Variants in ZFP1 observed in about 807,000 individuals in gnomAD.
The protein encoded by ZFP1 is zinc finger protein 1 homolog.
A neutral mutation model predicts 38.5 loss-of-function variants in ZFP1; 32 were observed. That is an observed-to-expected ratio of 0.83 (90% CI 0.63 to 1.12). ZFP1 has a LOEUF of 1.12. ZFP1 is among the 50% of genes most tolerant of loss of function. The pLI, the probability that ZFP1 is intolerant of heterozygous loss-of-function variation, is 0.00. For synonymous variants in ZFP1, 245 were observed against 168.8 expected, an observed-to-expected ratio of 1.45 and a Z score of -3.50; for missense variants, 616 against 480.8, an observed-to-expected ratio of 1.28 and a Z score of -2.63.
At chr16:75,128,203 A>G in the ZFP1 span, among the ~76,000 whole-genome samples, 2 of 152,208 alleles carry the variant, frequency 1.3e-5, no homozygotes, top group African/African-American at 4.8e-5. Flanking sequence ...AAAGAATGTC[A>G]CTGTGGGGCC....
chr16:75,140,224 C>T, the ZFP1 span, among the ~76,000 whole-genome samples: 5 of 151,446 alleles, frequency 3.3e-5, no homozygotes, highest in Admixed American at 6.6e-5. Context: ...GCTGAGATCA[C>T]GCCATTGCAC....
chr16:75,165,071 C>G (rs1252471229), intron 2 of ZFP1, among the ~76,000 whole-genome samples: 1 of 152,110 alleles, frequency 6.6e-6, no homozygotes, highest in East Asian at 1.9e-4. Context: ...TCCCAAAGTG[C>G]TGGGATTACA....
intron 1 of ZFP1, among the ~76,000 whole-genome samples, chr16:75,149,557 CTTT>C (rs34371791): frequency 9.8e-6 from 1 of 101,792 alleles, no homozygotes. Context: ...TCTTTACTTT[CTTT>C]TTTTTTTTTT....
Position 75,152,948 on chromosome 16 carries a change from G to A in ZFP1, c.-4G>A. 6.2e-7 allele frequency: 1 copy of A among 1,613,734 alleles called. No individual in the cohort carries two copies. The highest frequency in any genetic ancestry group is 1.7e-5 in the Admixed American group (1 of 59,972). Reference sequence around the variant, plus strand: ...TTCTCTGCCTTTGCCCAAAACTGCAGAAAATGAACAAATCCCAGGTGAGTT... The same window carrying A: ...TTCTCTGCCTTTGCCCAAAACTGCAAAAAATGAACAAATCCCAGGTGAGTT... On this transcript the variant is annotated 5_prime_UTR_variant, in exon 2 of 4. Coordinates refer to ENST00000570010, the MANE Select transcript of ZFP1 (RefSeq NM_153688.4).
chr16:75,148,200 A>G (rs1370003221), upstream of ZFP1, among the ~76,000 whole-genome samples: 1 of 152,204 alleles, frequency 6.6e-6, no homozygotes, highest in African/African-American at 2.4e-5. Flanking sequence ...TATTTTGTAC[A>G]TATATTCTAA....
chr16:75,146,388 C>T (rs559815304), upstream of ZFP1, among the ~76,000 whole-genome samples: 3 of 152,122 alleles, frequency 2.0e-5, no homozygotes, highest in East Asian at 1.9e-4. Flanking sequence ...AGGATGGTCT[C>T]GATCTCCTGA....
the ZFP1 span, among the ~76,000 whole-genome samples, chr16:75,123,152 G>A: frequency 6.6e-6 from 1 of 151,670 alleles, no homozygotes; most frequent in Non-Finnish European, 1.5e-5. Context: ...TCAGAAGTTT[G>A]AGACCAGCCT....
At position 75,169,756 on chromosome 16, in the gene ZFP1, G is replaced by A; in HGVS notation, c.646G>A (p.Val216Ile). ...HTGEKPYECNVCKKTFSHKAN... is the reference protein window; with the variant it reads ...HTGEKPYECNICKKTFSHKAN... ...TGGAGAAAAGCCATATGAATGCAAT[G>A]TATGTAAGAAAACCTTCTCCCATAA... The change falls in exon 4 of 4, where the codon GTA becomes ATA. Residue 216 changes from valine (V) to isoleucine (I), a missense_variant. By Grantham distance (29) the Val-to-Ile change is conservative. Coordinates refer to ENST00000570010, the MANE Select transcript of ZFP1 (RefSeq NM_153688.4). The A allele has an allele frequency of 6.2e-7, 1 of 1,613,512 alleles. No individual in the cohort carries two copies. Among genetic ancestry groups the A allele is most frequent in the Non-Finnish European group, 8.5e-7 (1 of 1,179,780 alleles).
rs781458982 is a variant in ZFP1, at chr16:75,166,847, C to T, written c.93C>T (p.Ile31=). The change falls in exon 3 of 4, where the codon ATC becomes ATT. Residue 31 remains isoleucine, a synonymous_variant. Transcript: ENST00000570010. ...AACAACTGGACCCCTCTCAGAGGAT[C>T]CTATACATGGATGTGATGCTGGAGA... ...EWEQLDPSQR[I]LYMDVMLENY... 3.1e-6 allele frequency: 5 copies of T among 1,614,022 alleles called. No individual in the cohort carries two copies. The highest frequency in any genetic ancestry group is 1.6e-4 in the Middle Eastern group (1 of 6,082).
intron 2 of ZFP1, among the ~76,000 whole-genome samples, chr16:75,155,127 G>A (rs2037408024): frequency 6.6e-6 from 1 of 152,080 alleles, no homozygotes; most frequent in South Asian, 2.1e-4. Flanking sequence ...TTAATTATGT[G>A]ATTTGATTTT....
chr16:75,171,810 T>C lies in ZFP1; in HGVS notation c.*1476T>C, dbSNP rs890097716. ...TAAGCTTTTGTCTAAGTTGTCATCT[T>C]ACTTACTCACAAAGGAGGGGAAAAC... On this transcript the variant is annotated 3_prime_UTR_variant, in exon 4 of 4. Transcript: ENST00000570010. The C allele has an allele frequency of 9.9e-5, 15 of 152,212 alleles. No individual in the cohort carries two copies. Among genetic ancestry groups the C allele is most frequent in the African/African-American group, 3.6e-4 (15 of 41,460 alleles). 9.4% of individuals were successfully genotyped at this position (152,212 alleles called of 1,614,324 possible).
At chr16:75,163,087 T>G (rs1358025673) in intron 2 of ZFP1, among the ~76,000 whole-genome samples, 1 of 151,804 alleles carries the variant, frequency 6.6e-6, no homozygotes, top group African/African-American at 2.4e-5. Context: ...TTTTTGTATT[T>G]TTAGTAGAGA....
the ZFP1 span, among the ~76,000 whole-genome samples, chr16:75,141,417 G>C: frequency 6.6e-6 from 1 of 151,724 alleles, no homozygotes; most frequent in East Asian, 2.0e-4. Flanking sequence ...GTGTTAGCCA[G>C]GATGGTCTCG....
intron 2 of ZFP1, among the ~76,000 whole-genome samples, chr16:75,166,086 T>A (rs577532983): frequency 6.6e-6 from 1 of 152,276 alleles, no homozygotes; most frequent in South Asian, 2.1e-4. Flanking sequence ...TATTTTACAG[T>A]TGGAAGTTCA....
chr16:75,125,003 T>G, the ZFP1 span, among the ~76,000 whole-genome samples: 1 of 151,944 alleles, frequency 6.6e-6, no homozygotes, highest in Non-Finnish European at 1.5e-5. Flanking sequence ...GGCTAAGGTC[T>G]GGAATCCCAA....
chr16:75,121,833 T>A, the ZFP1 span, among the ~76,000 whole-genome samples: 1 of 152,228 alleles, frequency 6.6e-6, no homozygotes, highest in Non-Finnish European at 1.5e-5. Context: ...TATTAATAAA[T>A]AAGCTAGCCT....
At chr16:75,125,805 G>A in the ZFP1 span, among the ~76,000 whole-genome samples, 6 of 151,992 alleles carry the variant, frequency 3.9e-5, no homozygotes, top group Non-Finnish European at 8.8e-5. Flanking sequence ...CACTTTGGCA[G>A]GCCGAGGAGG....
chr16:75,136,723 A>G, the ZFP1 span, among the ~76,000 whole-genome samples: 1 of 152,082 alleles, frequency 6.6e-6, no homozygotes, highest in East Asian at 1.9e-4. Context: ...TACAAAAATT[A>G]GCCAGCCGTG....
At position 75,159,514 on chromosome 16, in the gene ZFP1, C is replaced by G. The variant is rs376727346; in HGVS notation, c.15+6548C>G. ...CTGTGACCTCCTGGGCTCAGGCAAC[C>G]CTCCCACCCCAGCCTCTTGTGAAGC... On this transcript the variant is annotated intron_variant, in intron 2 of 3. Coordinates refer to ENST00000570010, the MANE Select transcript of ZFP1 (RefSeq NM_153688.4). Among the ~76,000 whole-genome samples, 6 of 151,348 alleles carry G rather than the reference C, an allele frequency of 4.0e-5. No homozygotes were observed. The East Asian group carries it at 1.2e-3, about 29-fold the overall frequency.
Sources: allele counts gnomAD v4.1 joint callset (sites outside exome capture counted in the v4.1 genomes callset), GRCh38; gene constraint gnomAD v4.1.1; transcripts MANE v1.5; gene names NCBI Gene and HGNC (gene_info 2026-07-23, HGNC 2026-07-21).